The following FAM153A variants were observed in gnomAD, a reference collection of about 807,000 sequenced individuals.
FAM153A encodes the protein protein FAM153A.
In FAM153A, 12 loss-of-function variants were observed where a neutral mutation model predicts 48.1. The observed-to-expected ratio is 0.25, with a 90% CI of 0.16 to 0.40. FAM153A has a LOEUF of 0.40. Ranked by LOEUF, FAM153A falls within the 10% of genes least tolerant of loss-of-function variation. FAM153A has a pLI of 1.00. For missense variants in FAM153A, 111 were observed against 345.8 expected, an observed-to-expected ratio of 0.32 and a Z score of 5.38; for synonymous variants, 36 against 118.2, an observed-to-expected ratio of 0.30 and a Z score of 4.51.
At chr5:177,712,065 ATATCTAAACTAGACAGAAAATT>A (rs1758566367) in exon 27 of FAM153A, 1 of 152,004 alleles carries the variant, frequency 6.6e-6, no homozygotes, top group Non-Finnish European at 1.5e-5. Flanking sequence ...TAAAGGGCTT[ATATCTAAACTAGACAGAAAATT>A]CTTAACAATT....
chr5:177,716,433 G>A (rs1759805334), intron 24 of FAM153A: 1 of 151,752 alleles, frequency 6.6e-6, no homozygotes, highest in South Asian at 2.1e-4. Context: ...TCAATAACCA[G>A]AATTCTGCTT....
At chr5:177,703,235 C>T (rs531476024), downstream of FAM153A, among the ~76,000 whole-genome samples, 1 of 152,090 alleles carries the variant, frequency 6.6e-6, no homozygotes, top group African/African-American at 2.4e-5. Context: ...ATCAGTTGCC[C>T]TGGATGTGGG....
chr5:177,739,343 A>G (rs1765195687), intron 9 of FAM153A, among the ~76,000 whole-genome samples: 1 of 125,944 alleles, frequency 7.9e-6, no homozygotes, highest in Non-Finnish European at 1.7e-5. Flanking sequence ...TTGCAAATTC[A>G]TAATTCTCAA....
intron 1 of FAM153A, among the ~76,000 whole-genome samples, chr5:177,759,550 A>T (rs1271891821): frequency 6.6e-6 from 1 of 151,660 alleles, no homozygotes; most frequent in African/African-American, 2.4e-5. Context: ...AATAGCAAAG[A>T]CTTGGAACCA....
chr5:177,708,789 T>C (rs1488650358), downstream of FAM153A, among the ~76,000 whole-genome samples: 4 of 151,502 alleles, frequency 2.6e-5, no homozygotes, highest in Non-Finnish European at 5.9e-5. Flanking sequence ...TTCCTTTGTC[T>C]TTGATTTGAA....
chr5:177,738,515 T>C (rs144062388), intron 10 of FAM153A, among the ~76,000 whole-genome samples: 23 of 151,494 alleles, frequency 1.5e-4, no homozygotes, highest in Admixed American at 3.9e-4. Context: ...TAAAACTCTC[T>C]GGCATAACAA....
intron 25 of FAM153A, chr5:177,714,054 G>A (rs1270996618): frequency 1.3e-5 from 2 of 151,696 alleles, no homozygotes; most frequent in Admixed American, 1.3e-4. Flanking sequence ...CATACTTAAC[G>A]GCATTAAGAA....
At chr5:177,701,132 C>T in the FAM153A span, among the ~76,000 whole-genome samples, 2 of 151,836 alleles carry the variant, frequency 1.3e-5, no homozygotes, top group African/African-American at 4.9e-5. Context: ...CCTGCTCCCA[C>T]CATGTGAGAT....
At chr5:177,728,562 T>TTG (rs200527575) in intron 18 of FAM153A, among the ~76,000 whole-genome samples, 6 of 141,484 alleles carry the variant, frequency 4.2e-5, no homozygotes, top group Admixed American at 7.2e-5. Context: ...TGTTTTTTTT[T>TTG]TTGTTTGTTT....
exon 25 of FAM153A, chr5:177,716,360 A>C (rs1385683021): frequency 6.6e-6 from 1 of 151,948 alleles, no homozygotes; most frequent in Non-Finnish European, 1.5e-5. Flanking sequence ...AAGAATTCCA[A>C]TCTTCAAAAG....
At chr5:177,708,332 A>G (rs1461485842), downstream of FAM153A, among the ~76,000 whole-genome samples, 4 of 148,224 alleles carry the variant, frequency 2.7e-5, 1 homozygote, top group African/African-American at 1.0e-4. Flanking sequence ...TCCCAGCACT[A>G]TGGGAGGCCG....
chr5:177,713,256 T>C (rs1358838114), intron 26 of FAM153A: 2 of 125,746 alleles, frequency 1.6e-5, no homozygotes, highest in Admixed American at 8.4e-5. Context: ...TTCTTTCTTT[T>C]CTTTTTTTTT....
In FAM153A at chr5:177,737,535, T is replaced by A. The variant is rs1764865871; in HGVS notation, c.563-423A>T. On this transcript the variant is annotated intron_variant, in intron 10 of 20. Transcript: ENST00000614127. The stretch of plus-strand genomic sequence containing the variant: ...TCCTAGATTTATTATTATTATTATT[T>A]TTGAGATGGAGTTACTCTCTTCTTG... Among the ~76,000 whole-genome samples the A allele has an allele frequency of 4.0e-5, 6 of 151,350 alleles. No individual in the cohort carries two copies. In the South Asian group the frequency reaches 1.0e-3, roughly 26 times the overall value.
At chr5:177,705,639 C>T (rs71601374), downstream of FAM153A, among the ~76,000 whole-genome samples, 36,010 of 121,836 alleles carry the variant, frequency 0.3, 5,112 homozygotes, top group South Asian at 0.44. Context: ...AACTAGAAAA[C>T]ATTTTTCTTT....
upstream of FAM153A, among the ~76,000 whole-genome samples, chr5:177,781,287 T>TTG (rs1257024240): frequency 7.8e-6 from 1 of 128,574 alleles, no homozygotes; most frequent in Non-Finnish European, 1.7e-5. Flanking sequence ...TTTTTTTTTT[T>TTG]TGTATTTTTA....
intron 1 of FAM153A, among the ~76,000 whole-genome samples, chr5:177,752,871 T>C (rs1767183083): frequency 7.6e-6 from 1 of 131,880 alleles, no homozygotes; most frequent in Non-Finnish European, 1.6e-5. Flanking sequence ...GAGGTTGCTG[T>C]GAGTCATTAT....
chr5:177,705,000 C>CA (rs142700297), downstream of FAM153A, among the ~76,000 whole-genome samples: 266 of 136,300 alleles, frequency 2.0e-3, 2 homozygotes, highest in Middle Eastern at 3.6e-3. Context: ...GACTCCATCT[C>CA]AAAAAAAAAA....
intron 1 of FAM153A, among the ~76,000 whole-genome samples, chr5:177,769,005 C>T (rs1768935475): frequency 1.1e-5 from 1 of 89,568 alleles, no homozygotes; most frequent in Admixed American, 1.2e-4. Context: ...GGGCAGATCA[C>T]GAGGTCAGGA....
chr5:177,697,086 C>CTGGAAAA, the FAM153A span, among the ~76,000 whole-genome samples: 1 of 151,604 alleles, frequency 6.6e-6, no homozygotes, highest in African/African-American at 2.4e-5. Flanking sequence ...ATGGATGTCC[C>CTGGAAAA]CTCATTTATT....
Sources: gnomAD v4.1 joint callset for allele counts (sites outside exome capture counted in the v4.1 genomes callset) on GRCh38, gnomAD v4.1.1 for gene constraint, MANE v1.5 for transcripts, NCBI Gene and HGNC (gene_info 2026-07-23, HGNC 2026-07-21) for gene names.